The following VPS41 variants were observed in gnomAD, a reference collection of about 807,000 sequenced individuals.
The protein encoded by VPS41 is vacuolar protein sorting-associated protein 41 homolog.
A neutral mutation model predicts 130.9 loss-of-function variants in VPS41; 85 were observed. The ratio of observed to expected loss-of-function variants is 0.65; its 90% CI spans 0.55 to 0.78. The LOEUF (loss-of-function observed/expected upper bound fraction) is 0.78. Among genes scored for constraint, VPS41 ranks in the 30% least tolerant of loss-of-function variants. The pLI, the probability that VPS41 is intolerant of heterozygous loss-of-function variation, is 0.00. For missense variants in VPS41, 874 were observed against 1,018.7 expected (o/e 0.86, Z 1.93); for synonymous variants, 335 against 332.9 (o/e 1.01, Z -0.07).
chr7:38,906,363 T>A (rs1423134177), intron 1 of VPS41, among the ~76,000 whole-genome samples: 5 of 152,046 alleles, frequency 3.3e-5, no homozygotes, highest in African/African-American at 4.8e-5. Context: ...GTTTTTTTTT[T>A]AAACAGGGTC....
intron 25 of VPS41, among the ~76,000 whole-genome samples, chr7:38,737,884 T>C (rs182230066): frequency 5.3e-5 from 8 of 152,316 alleles, no homozygotes; most frequent in African/African-American, 1.7e-4. Flanking sequence ...TAGGCAGGTG[T>C]TGGCCTAAAG....
chr7:38,883,896 A>G (rs1163405813), intron 2 of VPS41, among the ~76,000 whole-genome samples: 1 of 152,228 alleles, frequency 6.6e-6, no homozygotes, highest in Non-Finnish European at 1.5e-5. Flanking sequence ...TGCCTGAATG[A>G]TGCAATAATC....
intron 25 of VPS41, among the ~76,000 whole-genome samples, chr7:38,737,913 C>G (rs974362037): frequency 3.9e-5 from 6 of 152,300 alleles, no homozygotes; most frequent in Middle Eastern, 3.4e-3. Context: ...GCTTTGTACC[C>G]AATGCCTTAG....
intron 21 of VPS41, among the ~76,000 whole-genome samples, chr7:38,752,636 T>C (rs543658782): frequency 6.6e-6 from 1 of 152,318 alleles, no homozygotes; most frequent in East Asian, 1.9e-4. Flanking sequence ...GAGTTGCCAT[T>C]ACGAAATCAC....
At chr7:38,868,682 A>G (rs1025424587) in intron 3 of VPS41, among the ~76,000 whole-genome samples, 33 of 152,346 alleles carry the variant, frequency 2.2e-4, no homozygotes, top group African/African-American at 7.5e-4. Context: ...ATTCATTCGT[A>G]TAAGTAATAA....
intron 5 of VPS41, among the ~76,000 whole-genome samples, chr7:38,822,625 C>T (rs1034665906): frequency 6.6e-6 from 1 of 152,198 alleles, no homozygotes; most frequent in Non-Finnish European, 1.5e-5. Flanking sequence ...ATGAATACTG[C>T]TGCTAAGAAC....
rs765598084 is a variant in VPS41, at chr7:38,796,866, T to G, written c.451-2A>C. The G allele has an allele frequency of 6.2e-7, 1 of 1,613,800 alleles. No homozygotes were observed. Among genetic ancestry groups the G allele is most frequent in the East Asian group, 2.2e-5 (1 of 44,864 alleles). On this transcript the variant is annotated splice_acceptor_variant, in intron 7 of 28. Transcript: ENST00000310301. LOFTEE classifies it high-confidence loss of function. ...CCAAGACCGTTCAAACAGTAGCAGC[T>G]AGGGACAAAAAGCATAAACAAAGAA...
intron 5 of VPS41, among the ~76,000 whole-genome samples, chr7:38,824,983 C>T (rs139610926): frequency 3.0e-3 from 460 of 152,126 alleles, no homozygotes; most frequent in Middle Eastern, 0.014. Flanking sequence ...GGATAAATGT[C>T]CCTTCAAAAA....
intron 2 of VPS41, among the ~76,000 whole-genome samples, chr7:38,888,686 T>G (rs1786788036): frequency 6.6e-6 from 1 of 152,106 alleles, no homozygotes; most frequent in Non-Finnish European, 1.5e-5. Flanking sequence ...CTAATAGACA[T>G]CTACAGAACT....
chr7:38,733,466 G>C (rs1795707167), intron 25 of VPS41, among the ~76,000 whole-genome samples: 1 of 152,122 alleles, frequency 6.6e-6, no homozygotes, highest in Admixed American at 6.6e-5. Flanking sequence ...GATGTTTCCT[G>C]AAGGTTTATA....
intron 14 of VPS41, among the ~76,000 whole-genome samples, chr7:38,769,974 G>C (rs757117670): frequency 9.2e-5 from 14 of 152,122 alleles, no homozygotes; most frequent in Admixed American, 2.6e-4. Context: ...TACCTATGTA[G>C]TAAACCCCTC....
chr7:38,886,785 C>T (rs1407728140), intron 2 of VPS41, among the ~76,000 whole-genome samples: 1 of 152,118 alleles, frequency 6.6e-6, no homozygotes, highest in African/African-American at 2.4e-5. Flanking sequence ...ACAGACACCT[C>T]ATACAGGCAG....
At chr7:38,807,265 T>C (rs1046127106) in intron 7 of VPS41, among the ~76,000 whole-genome samples, 1 of 152,236 alleles carries the variant, frequency 6.6e-6, no homozygotes, top group African/African-American at 2.4e-5. Flanking sequence ...TATGGGGTAC[T>C]CCTGGTGATC....
chr7:38,756,947 T>G lies in VPS41; in HGVS notation c.1586A>C (p.Glu529Ala). 2 of 1,598,818 alleles carry G rather than the reference T, an allele frequency of 1.3e-6. No individual in the cohort carries two copies. The highest frequency in any genetic ancestry group is 1.7e-6 in the Non-Finnish European group (2 of 1,167,140). The change falls in exon 19 of 29, where the codon GAA (glutamate) becomes GCA (alanine). Residue 529 changes from glutamate (E) to alanine (A), a missense_variant. Glu to Ala is a moderately radical substitution (Grantham distance 107). Transcript: ENST00000310301. ...TTTATGTCTTAATGTTAAGTATATT[T>G]CCAGAGCATTGCCATAGTTCTTGTC... The part of the protein sequence containing the change: ...TYDKNYGNAL[E>A]IYLTLRHKDV...
chr7:38,784,513 T>C (rs1784403845), intron 10 of VPS41, among the ~76,000 whole-genome samples: 1 of 152,098 alleles, frequency 6.6e-6, no homozygotes, highest in Middle Eastern at 3.2e-3. Flanking sequence ...TGCACGCCTG[T>C]AGTCCCAGCT....
At chr7:38,732,981 T>A (rs1403039116) in intron 25 of VPS41, among the ~76,000 whole-genome samples, 1 of 152,066 alleles carries the variant, frequency 6.6e-6, no homozygotes, top group African/African-American at 2.4e-5. Flanking sequence ...GCATGAGCCA[T>A]CACGCCCAGC....
At chr7:38,792,476 A>C (rs1290428251) in intron 9 of VPS41, among the ~76,000 whole-genome samples, 1 of 152,096 alleles carries the variant, frequency 6.6e-6, no homozygotes, top group Non-Finnish European at 1.5e-5. Context: ...GGTGACTGTG[A>C]TCTTACACCC....
intron 13 of VPS41, among the ~76,000 whole-genome samples, chr7:38,771,632 T>A (rs961132143): frequency 6.6e-6 from 1 of 152,230 alleles, no homozygotes; most frequent in Non-Finnish European, 1.5e-5. Context: ...TAGATCTTTA[T>A]GACATATTGA....
At chr7:38,821,327 G>C in intron 5 of VPS41, 62 bp from the exon 6 acceptor site, 7 of 1,124,600 alleles carry the variant, frequency 6.2e-6, no homozygotes, top group South Asian at 1.3e-5. Context: ...TACTGAGTCA[G>C]TATGAACACA....
Sources: allele counts gnomAD v4.1 joint callset (sites outside exome capture counted in the v4.1 genomes callset), GRCh38; gene constraint gnomAD v4.1.1; transcripts MANE v1.5; gene names NCBI Gene and HGNC (gene_info 2026-07-23, HGNC 2026-07-21).